Variants in CEP164 observed in about 807,000 individuals in gnomAD.
CEP164 encodes centrosomal protein 164, also known as centrosomal protein of 164 kDa.
Under a neutral mutation model 182.7 loss-of-function variants are expected in CEP164, and 162 were observed. The observed-to-expected ratio is 0.89, with a 90% CI of 0.78 to 1.01. The LOEUF is 1.01. Ranked by LOEUF, CEP164 falls within the 50% of genes least tolerant of loss-of-function variation. The probability of loss-of-function intolerance (pLI) is 0.00; values close to 1 mark genes in which losing one functional copy is unlikely to be tolerated. For synonymous variants in CEP164, 661 were observed against 690.0 expected, an observed-to-expected ratio of 0.96 and a Z score of 0.66; for missense variants, 1,735 against 1,790.4, an observed-to-expected ratio of 0.97 and a Z score of 0.56.
At chr11:117,388,777 T>C (rs982308656) in intron 15 of CEP164, among the ~76,000 whole-genome samples, 1 of 152,026 alleles carries the variant, frequency 6.6e-6, no homozygotes, top group Non-Finnish European at 1.5e-5. Context: ...CTCTCTTTTT[T>C]TTTTTTTTGA....
In CEP164 at chr11:117,389,890, C is replaced by A. The variant is rs1017206756; in HGVS notation, c.1935-887C>A. Among the ~76,000 whole-genome samples the A allele has an allele frequency of 8.0e-5, 12 of 150,522 alleles. No homozygotes were observed. In the East Asian group the frequency reaches 2.3e-3, roughly 29 times the overall value. On this transcript the variant is annotated intron_variant, in intron 15 of 32. Coordinates refer to ENST00000278935, the MANE Select transcript of CEP164 (RefSeq NM_014956.5). Reference sequence around the variant, plus strand: ...AGGTGAAGCTGTTGACAGAGGGGAGCCTTTGGAAGAAGTGCTGTACTACCA... The same window carrying A: ...AGGTGAAGCTGTTGACAGAGGGGAGACTTTGGAAGAAGTGCTGTACTACCA...
At chr11:117,375,912 A>G in intron 11 of CEP164, 121 bp downstream of exon 11, 1 of 799,226 alleles carries the variant, frequency 1.3e-6, no homozygotes, top group South Asian at 1.6e-5. Context: ...TCTCCCTTCT[A>G]ATTCATTAAG....
intron 4 of CEP164, among the ~76,000 whole-genome samples, chr11:117,347,882 A>G (rs569362072): frequency 6.8e-4 from 103 of 152,184 alleles, no homozygotes; most frequent in Non-Finnish European, 1.3e-3. Context: ...TCTCTAGGAC[A>G]TATTTACCCT....
chr11:117,352,992 A>G (rs970986134), intron 5 of CEP164, among the ~76,000 whole-genome samples: 3 of 152,122 alleles, frequency 2.0e-5, no homozygotes, highest in Non-Finnish European at 4.4e-5. Flanking sequence ...AGGTGGAGTT[A>G]TTGCCCACAT....
chr11:117,411,782 TCTTC>T lies in CEP164; in HGVS notation c.4164-7_4164-4del. 1 of 1,614,026 alleles carries T rather than the reference TCTTC, an allele frequency of 6.2e-7. No homozygotes were observed. The highest frequency in any genetic ancestry group is 8.5e-7 in the Non-Finnish European group (1 of 1,179,958). On this transcript the variant is annotated splice_polypyrimidine_tract_variant and intron_variant, in intron 31 of 32. Coordinates refer to ENST00000278935, the MANE Select transcript of CEP164 (RefSeq NM_014956.5). The surrounding 1 kb of genome is among the most constrained non-coding windows in gnomAD (Gnocchi z 4.4). ...CCTCTCTCCCCTCGCCATGCTCTCC[TCTTC>T]CTTCCCAGTGAGCAGCTCCGGCTCC...
chr11:117,392,939 C>A (rs1028630226), intron 19 of CEP164, 65 bp from the exon 20 acceptor site: 8 of 1,602,398 alleles, frequency 5.0e-6, no homozygotes, highest in Non-Finnish European at 6.8e-6. Flanking sequence ...CCTTCAGGTG[C>A]AGCAGGCCCT....
At position 117,336,385 on chromosome 11, in the gene CEP164, G is replaced by A. The variant is rs560925736; in HGVS notation, c.-22+705G>A. On this transcript the variant is annotated intron_variant, in intron 2 of 32. Coordinates refer to ENST00000278935, the MANE Select transcript of CEP164 (RefSeq NM_014956.5). ...CACAGGAGGGATTCCAGGGGCAGGC[G>A]GTGGGTATGGAGGAAGGTGGGGACC... The A allele has an allele frequency of 3.8e-5, 53 of 1,402,412 alleles. 1 individual carries two copies. Among genetic ancestry groups the A allele is most frequent in the East Asian group, 2.5e-4 (11 of 43,746 alleles). The allele number at this position is 1,402,412 out of a possible 1,614,324, so 86.9% of individuals were successfully genotyped here. A position where few individuals can be genotyped will look rare whatever the true frequency, so the allele number is the denominator to read the frequency against.
chr11:117,410,042 C>G (rs2047162759), intron 30 of CEP164, 77 bp downstream of exon 30: 1 of 1,328,624 alleles, frequency 7.5e-7, no homozygotes, highest in African/African-American at 1.4e-5. Flanking sequence ...TACCCTCTTT[C>G]TCCTGCTCCT....
chr11:117,402,509 A>G (rs2046264178), intron 27 of CEP164, among the ~76,000 whole-genome samples: 1 of 151,790 alleles, frequency 6.6e-6, no homozygotes, highest in African/African-American at 2.4e-5. Flanking sequence ...CTGAGCCACC[A>G]CACCCAGCCT....
chr11:117,339,327 A>G (rs949593858), intron 3 of CEP164, among the ~76,000 whole-genome samples: 2 of 152,112 alleles, frequency 1.3e-5, no homozygotes, highest in Admixed American at 6.6e-5. Context: ...TTAAATGGAA[A>G]CATAGTAGGG....
At chr11:117,352,216 G>A (rs1448987210) in intron 5 of CEP164, among the ~76,000 whole-genome samples, 1 of 152,016 alleles carries the variant, frequency 6.6e-6, no homozygotes, top group African/African-American at 2.4e-5. Flanking sequence ...TCCCCACTTG[G>A]GAAGTGCATG....
At chr11:117,395,407 C>A in intron 23 of CEP164, 140 bp from the exon 24 acceptor site, 1 of 1,054,890 alleles carries the variant, frequency 9.5e-7, no homozygotes, top group Non-Finnish European at 1.4e-6. Flanking sequence ...GACCTCTTGA[C>A]CTCAGAGGTG....
chr11:117,326,452 C>T (rs1271709880), upstream of CEP164, among the ~76,000 whole-genome samples: 2 of 146,922 alleles, frequency 1.4e-5, no homozygotes, highest in Non-Finnish European at 3.0e-5. Flanking sequence ...AGGCTGGTCT[C>T]GAACTCCTGA....
At chr11:117,355,138 A>G in intron 5 of CEP164, 1 of 1,289,650 alleles carries the variant, frequency 7.8e-7, no homozygotes, top group Non-Finnish European at 1.0e-6. Context: ...AGCTGCAGCC[A>G]CTCTCCAAAG....
intron 11 of CEP164, among the ~76,000 whole-genome samples, chr11:117,378,115 C>G (rs149842880): frequency 1.3e-5 from 2 of 152,186 alleles, no homozygotes; most frequent in East Asian, 3.9e-4. Context: ...GTGATCTGCC[C>G]GCCTTGGCCC....
In CEP164 at chr11:117,391,184, T is replaced by A; in HGVS notation, c.2252T>A (p.Leu751Gln). The change falls in exon 17 of 33, where the codon CTG becomes CAG. Residue 751 changes from leucine (L) to glutamine (Q), a missense_variant. Transcript: ENST00000278935. ...GCAAAGGAGAAGGCTCTGCAGCAGCTGAGGGAGCAGCTGGAAGGGGAGAGG... is the reference window on the plus strand; with the variant it reads ...GCAAAGGAGAAGGCTCTGCAGCAGCAGAGGGAGCAGCTGGAAGGGGAGAGG... ...NAAKEKALQQ[L>Q]REQLEGERKE... 1 of 1,612,238 alleles carries A rather than the reference T, an allele frequency of 6.2e-7. No individual in the cohort carries two copies. Among genetic ancestry groups the A allele is most frequent in the East Asian group, 2.2e-5 (1 of 44,830 alleles).
Position 117,409,791 on chromosome 11 carries a change from A to G in CEP164, c.3922A>G (p.Ser1308Gly). ...CCAGCTCCCTCCCCGGGACCCTAAG[A>G]GCACCCCCACCCCCACCTACTATGG... Reference protein sequence around the residue: ...PAQLPPRDPKSTPTPTYYGSL... With the variant: ...PAQLPPRDPKGTPTPTYYGSL... Residue 1308 changes from serine to glycine, a missense_variant, in exon 30 of 33, where the codon AGC (serine) becomes GGC (glycine). Ser to Gly is a moderately conservative substitution (Grantham distance 56, BLOSUM62 0). Transcript: ENST00000278935. This position sits in a 1 kb window ranked among gnomAD's most constrained non-coding sequence, Gnocchi z 4.4. The G allele has an allele frequency of 6.2e-7, 1 of 1,613,336 alleles. No homozygotes were observed. The highest frequency in any genetic ancestry group is 8.5e-7 in the Non-Finnish European group (1 of 1,179,742).
intron 12 of CEP164, 87 bp from the exon 13 acceptor site, chr11:117,381,614 C>T (rs2043322867): frequency 5.5e-6 from 8 of 1,441,630 alleles, no homozygotes; most frequent in Non-Finnish European, 7.4e-6. Context: ...GAGGCAATGA[C>T]CTAGGTCCAC....
At chr11:117,330,074 G>A (rs539140891) in intron 1 of CEP164, among the ~76,000 whole-genome samples, 1 of 152,008 alleles carries the variant, frequency 6.6e-6, no homozygotes, top group East Asian at 1.9e-4. Flanking sequence ...TTGTTCCTCT[G>A]CCGTGAATTC....
Sources: allele counts gnomAD v4.1 joint callset (sites outside exome capture counted in the v4.1 genomes callset), GRCh38; gene constraint gnomAD v4.1.1; non-coding constraint Gnocchi (gnomAD v3.1); transcripts MANE v1.5; gene names NCBI Gene and HGNC (gene_info 2026-07-23, HGNC 2026-07-21).